LTBP1: variants seen among roughly 807,000 people sequenced by gnomAD.
LTBP1 encodes latent transforming growth factor beta binding protein 1, also known as latent-transforming growth factor beta-binding protein 1.
LTBP1 carries 129 observed loss-of-function variants against 207.6 expected under a neutral mutation model. The ratio of observed to expected loss-of-function variants is 0.62; its 90% CI spans 0.54 to 0.72. The LOEUF (loss-of-function observed/expected upper bound fraction) is 0.72, where lower values mean the gene tolerates loss of function less well. Among genes scored for constraint, LTBP1 ranks in the 30% least tolerant of loss-of-function variants. LTBP1 has a pLI of 0.00. For synonymous variants in LTBP1, 963 were observed against 833.7 expected (o/e 1.16, Z -2.67); for missense variants, 2,281 against 2,217.2 (o/e 1.03, Z -0.58).
At chr2:33,142,490 C>T (rs2082710108) in intron 5 of LTBP1, among the ~76,000 whole-genome samples, 2 of 151,058 alleles carry the variant, frequency 1.3e-5, no homozygotes, top group South Asian at 2.1e-4. Flanking sequence ...GGGCAGAGGG[C>T]AGGAGGACCC....
chr2:32,960,452 T>A (rs903552518), intron 2 of LTBP1, among the ~76,000 whole-genome samples: 1 of 152,170 alleles, frequency 6.6e-6, no homozygotes, highest in Admixed American at 6.5e-5. Context: ...TTTGTTGTAC[T>A]TTCACCAAGC....
rs78055007 is a variant in LTBP1 at position 32,947,291 on chromosome 2, C to A, written c.-34C>A. On this transcript the variant is annotated 5_prime_UTR_variant, in exon 1 of 34. Coordinates refer to ENST00000404816, the MANE Select transcript of LTBP1 (RefSeq NM_206943.4). Reference sequence around the variant, plus strand: ...GCACGGCCGGGGGAGGGGGCCGGACCGCGCGCGACCGGTCGCGCCCGCTGG... The same window carrying A: ...GCACGGCCGGGGGAGGGGGCCGGACAGCGCGCGACCGGTCGCGCCCGCTGG... The A allele has an allele frequency of 0.21, 254,685 of 1,209,264 alleles. 29,157 individuals are homozygous for A. Among genetic ancestry groups the A allele is most frequent in the East Asian group, 0.5 (14,481 of 29,108 alleles). 74.9% of individuals were successfully genotyped at this position (1,209,264 alleles called of 1,614,324 possible).
intron 25 of LTBP1, among the ~76,000 whole-genome samples, chr2:33,346,646 C>T (rs1367452299): frequency 1.3e-5 from 2 of 150,992 alleles, no homozygotes; most frequent in Non-Finnish European, 2.9e-5. Flanking sequence ...GATCACGGCA[C>T]TGCACTCCAG....
intron 5 of LTBP1, among the ~76,000 whole-genome samples, chr2:33,140,031 A>G (rs1400483216): frequency 6.6e-6 from 1 of 152,234 alleles, no homozygotes; most frequent in South Asian, 2.1e-4. Flanking sequence ...TAGGAAACTC[A>G]TGTTTTAAGA....
In LTBP1 at chr2:33,293,252, A is replaced by G. The variant is rs776868242; in HGVS notation, c.3205A>G (p.Thr1069Ala). Residue 1069 changes from threonine (T) to alanine (A), a missense_variant, in exon 20 of 34, where the codon ACC becomes GCC. Physicochemically the swap from Thr to Ala is moderately conservative, Grantham distance 58. Around this residue, in one of 3 missense-constraint regions of LTBP1, gnomAD observed 1,671 missense variants for 1,634.8 expected, o/e 1.02. Transcript: ENST00000404816. Reference sequence around the variant, plus strand: ...CATGTGTTCATGCCACAAAGGCTATACCCGGACTCCGGACCACAAGCACTG... The same window carrying G: ...CATGTGTTCATGCCACAAAGGCTATGCCCGGACTCCGGACCACAAGCACTG... The part of the protein sequence containing the change: ...SYMCSCHKGY[T>A]RTPDHKHCRD... 2 of 1,613,942 alleles carry G rather than the reference A, an allele frequency of 1.2e-6. No individual in the cohort carries two copies. Among genetic ancestry groups the G allele is most frequent in the Non-Finnish European group, 1.7e-6 (2 of 1,179,938 alleles).
At position 33,021,136 on chromosome 2, in the gene LTBP1, C is replaced by G. The variant is rs753800925; in HGVS notation, c.793C>G (p.Pro265Ala). 1 of 1,613,738 alleles carries G rather than the reference C, an allele frequency of 6.2e-7. No individual in the cohort carries two copies. Among genetic ancestry groups the G allele is most frequent in the Non-Finnish European group, 8.5e-7 (1 of 1,179,818 alleles). The part of the protein sequence containing the change: ...KKADTLPRVS[P>A]VAQMTLTLKP... Reference sequence around the variant, plus strand: ...GGCAGACACTCTACCAAGAGTCAGCCCTGTGGCCCAGATGACCTTAACCCT... The same window carrying G: ...GGCAGACACTCTACCAAGAGTCAGCGCTGTGGCCCAGATGACCTTAACCCT... Residue 265 changes from proline (P) to alanine (A), a missense_variant, in exon 3 of 34, where the codon CCT becomes GCT. Coordinates refer to ENST00000404816, the MANE Select transcript of LTBP1 (RefSeq NM_206943.4).
At chr2:33,019,845 G>C (rs1298869514) in intron 2 of LTBP1, among the ~76,000 whole-genome samples, 1 of 151,862 alleles carries the variant, frequency 6.6e-6, no homozygotes, top group Non-Finnish European at 1.5e-5. Context: ...TGGGACTACA[G>C]GTGCGTGCCA....
chr2:33,124,126 C>T (rs139996115), intron 4 of LTBP1, among the ~76,000 whole-genome samples: 44 of 152,234 alleles, frequency 2.9e-4, no homozygotes, highest in African/African-American at 6.7e-4. Context: ...TACTCAAATG[C>T]GGCCAGGTAC....
chr2:33,327,742 A>T (rs1573858182), intron 24 of LTBP1, among the ~76,000 whole-genome samples: 1 of 152,208 alleles, frequency 6.6e-6, no homozygotes, highest in East Asian at 1.9e-4. Flanking sequence ...GAAATAGAAA[A>T]GCAAAGTTAG....
chr2:33,226,819 T>C lies in LTBP1; in HGVS notation c.1876+4668T>C, dbSNP rs569279043. Among the ~76,000 whole-genome samples the C allele has an allele frequency of 1.5e-3, 225 of 152,292 alleles. 1 individual carries two copies. The highest frequency in any genetic ancestry group is 5.1e-3 in the African/African-American group (214 of 41,558). On this transcript the variant is annotated intron_variant, in intron 9 of 33. Transcript: ENST00000404816. ...CCCTCAGTTGGTTCTGGCCATTTTT[T>C]CTGCTACAGCCTATTTTGATTAGCA...
At position 33,170,213 on chromosome 2, in the gene LTBP1, C is replaced by T. The variant is rs867248263; in HGVS notation, c.1202-16643C>T. The stretch of plus-strand genomic sequence containing the variant: ...AAGCAGGGCGAGGCATTGCCTCACT[C>T]GGGAAGCGCAAGGGGTCAGGGAGTT... On this transcript the variant is annotated intron_variant, in intron 5 of 33. Transcript: ENST00000404816. Among the ~76,000 whole-genome samples the T allele has an allele frequency of 2.3e-4, 35 of 152,188 alleles. No homozygotes were observed. The Middle Eastern group carries it at 0.01, about 44-fold the overall frequency.
chr2:33,184,011 T>G (rs1167151166), intron 5 of LTBP1, among the ~76,000 whole-genome samples: 2 of 152,150 alleles, frequency 1.3e-5, no homozygotes, highest in Non-Finnish European at 2.9e-5. Context: ...CTTGGCCTGC[T>G]CTTTTCCTCC....
At chr2:33,249,862 A>G (rs536448098) in intron 10 of LTBP1, among the ~76,000 whole-genome samples, 5 of 152,298 alleles carry the variant, frequency 3.3e-5, no homozygotes, top group South Asian at 2.1e-4. Flanking sequence ...GTTTTATTCG[A>G]TTCTACAGCT....
chr2:33,171,089 T>C (rs1321913645), intron 5 of LTBP1, among the ~76,000 whole-genome samples: 10 of 105,162 alleles, frequency 9.5e-5, no homozygotes. Context: ...CTGGAAACTC[T>C]AAAAAGCAGA....
At chr2:33,322,592 A>G (rs1215418404) in intron 24 of LTBP1, among the ~76,000 whole-genome samples, 2 of 152,210 alleles carry the variant, frequency 1.3e-5, no homozygotes, top group African/African-American at 4.8e-5. Context: ...GCATTCACTG[A>G]GTTCTTATTA....
At chr2:33,034,698 T>G (rs1481040971) in intron 3 of LTBP1, among the ~76,000 whole-genome samples, 2 of 152,166 alleles carry the variant, frequency 1.3e-5, no homozygotes, top group Non-Finnish European at 2.9e-5. Flanking sequence ...TGCTTTCTGG[T>G]TAGAGGTGCA....
chr2:33,093,574 C>T (rs2079223768), intron 3 of LTBP1, among the ~76,000 whole-genome samples: 1 of 151,886 alleles, frequency 6.6e-6, no homozygotes, highest in African/African-American at 2.4e-5. Flanking sequence ...AAATTGTTCT[C>T]TTGATTTCAT....
At chr2:33,059,682 A>G (rs1382198792) in intron 3 of LTBP1, among the ~76,000 whole-genome samples, 2 of 152,218 alleles carry the variant, frequency 1.3e-5, no homozygotes, top group Non-Finnish European at 2.9e-5. Context: ...TTCAAATACC[A>G]AATACATGTC....
intron 20 of LTBP1, among the ~76,000 whole-genome samples, chr2:33,300,077 T>G (rs2093955696): frequency 6.6e-6 from 1 of 152,216 alleles, no homozygotes; most frequent in Non-Finnish European, 1.5e-5. Context: ...AGTCGAGTTT[T>G]CCTTCTGACT....
Sources: gnomAD v4.1 joint callset for allele counts (sites outside exome capture counted in the v4.1 genomes callset) on GRCh38, gnomAD v4.1.1 for gene constraint, gnomAD v4.1.1 regional missense constraint, MANE v1.5 for transcripts, NCBI Gene and HGNC (gene_info 2026-07-23, HGNC 2026-07-21) for gene names.